The following KIF16B variants were observed in gnomAD, a reference collection of about 807,000 sequenced individuals.
KIF16B encodes the protein kinesin family member 16B.
Under a neutral mutation model 156.3 loss-of-function variants are expected in KIF16B, and 98 were observed. The observed-to-expected ratio is 0.63, with a 90% CI of 0.53 to 0.74. KIF16B has a LOEUF of 0.74. Among genes scored for constraint, KIF16B ranks in the 30% least tolerant of loss-of-function variants. The pLI is 0.00. For missense variants in KIF16B, 1,421 were observed against 1,606.5 expected (o/e 0.88, Z 1.97); for synonymous variants, 564 against 583.7 (o/e 0.97, Z 0.49).
intron 12 of KIF16B, 30 bp downstream of exon 12, chr20:16,494,261 T>C (rs1200078773): frequency 2.2e-6 from 3 of 1,381,606 alleles, no homozygotes; most frequent in Non-Finnish European, 2.0e-6. Flanking sequence ...TCCACCATAG[T>C]AAGACTAAAC....
chr20:16,477,974 G>A (rs2067866292), intron 12 of KIF16B, among the ~76,000 whole-genome samples: 1 of 152,116 alleles, frequency 6.6e-6, no homozygotes, highest in Non-Finnish European at 1.5e-5. Context: ...CCACGGCAAT[G>A]GAATACCCCG....
chr20:16,448,313 A>T (rs2066988792), intron 12 of KIF16B, among the ~76,000 whole-genome samples: 1 of 152,252 alleles, frequency 6.6e-6, no homozygotes, highest in Non-Finnish European at 1.5e-5. Flanking sequence ...TAAGATAAAA[A>T]ATGCAGATGC....
chr20:16,325,385 T>C (rs1478999899), intron 24 of KIF16B, among the ~76,000 whole-genome samples: 10 of 151,826 alleles, frequency 6.6e-5, no homozygotes, highest in Admixed American at 5.3e-4. Flanking sequence ...CGAGATATAA[T>C]TGTATGCCTA....
At chr20:16,480,395 T>C (rs933788531) in intron 12 of KIF16B, among the ~76,000 whole-genome samples, 5 of 152,118 alleles carry the variant, frequency 3.3e-5, no homozygotes, top group South Asian at 2.1e-4. Context: ...CCACTTGTGA[T>C]TGAAAAAACT....
Position 16,521,563 on chromosome 20 carries a change from C to T in KIF16B, c.231+4529G>A, listed in dbSNP as rs149564188. Among the ~76,000 whole-genome samples, 663 of 152,176 alleles carry T rather than the reference C, an allele frequency of 4.4e-3. 5 individuals are homozygous for T. Among genetic ancestry groups the T allele is most frequent in the African/African-American group, 0.015 (610 of 41,538 alleles). ...GTTTGATTGGTGTACCTCAAACTGACGGGGAGAATGGAACCAAGTTGGAAA... is the reference window on the plus strand; with the variant it reads ...GTTTGATTGGTGTACCTCAAACTGATGGGGAGAATGGAACCAAGTTGGAAA... On this transcript the variant is annotated intron_variant, in intron 3 of 25. Transcript: ENST00000354981.
intron 17 of KIF16B, 103 bp from the exon 18 acceptor site, chr20:16,381,850 T>C: frequency 2.1e-6 from 2 of 974,424 alleles, no homozygotes; most frequent in Non-Finnish European, 3.0e-6. Flanking sequence ...CATCAGTTTT[T>C]CAAGTATTAC....
chr20:16,433,443 C>T (rs1021525227), intron 12 of KIF16B, among the ~76,000 whole-genome samples: 3 of 152,002 alleles, frequency 2.0e-5, no homozygotes, highest in Non-Finnish European at 4.4e-5. Context: ...GTTTCGTTTA[C>T]TATTCTTTCT....
intron 22 of KIF16B, among the ~76,000 whole-genome samples, chr20:16,369,919 G>T (rs2064774888): frequency 6.6e-6 from 1 of 152,220 alleles, no homozygotes; most frequent in East Asian, 1.9e-4. Flanking sequence ...TCCAGGGAAA[G>T]ATCACATCAT....
At chr20:16,429,638 G>C (rs1280691146) in intron 13 of KIF16B, among the ~76,000 whole-genome samples, 1 of 152,060 alleles carries the variant, frequency 6.6e-6, no homozygotes, top group Admixed American at 6.6e-5. Flanking sequence ...CAGAATAGAG[G>C]GCAAATCAAT....
intron 12 of KIF16B, among the ~76,000 whole-genome samples, chr20:16,459,075 A>T (rs1335964959): frequency 6.6e-6 from 1 of 151,714 alleles, no homozygotes; most frequent in Non-Finnish European, 1.5e-5. Flanking sequence ...TTATGTTATA[A>T]TTTTTTTTAA....
At chr20:16,405,560 G>C (rs781554405) in intron 16 of KIF16B, among the ~76,000 whole-genome samples, 1 of 152,142 alleles carries the variant, frequency 6.6e-6, no homozygotes, top group Non-Finnish European at 1.5e-5. Context: ...ACAGAAATGA[G>C]AGTCTGGGTA....
intron 15 of KIF16B, among the ~76,000 whole-genome samples, chr20:16,410,083 ATATGTAGG>A (rs2065900796): frequency 7.8e-6 from 1 of 127,530 alleles, no homozygotes; most frequent in Non-Finnish European, 1.7e-5. Context: ...ACATATATAT[ATATGTAGG>A]TACATATATA....
At chr20:16,481,395 T>C (rs2067980865) in intron 12 of KIF16B, among the ~76,000 whole-genome samples, 1 of 152,128 alleles carries the variant, frequency 6.6e-6, no homozygotes, top group Admixed American at 6.5e-5. Flanking sequence ...CTCTCTATGT[T>C]GCCCAGGCTG....
intron 21 of KIF16B, among the ~76,000 whole-genome samples, chr20:16,370,948 T>C (rs927867763): frequency 1.6e-4 from 24 of 152,216 alleles, no homozygotes; most frequent in African/African-American, 5.8e-4. Context: ...TATAGACTTG[T>C]CACAAATATG....
chr20:16,299,917 GAATATCGCA>G (rs2063446937), intron 25 of KIF16B, among the ~76,000 whole-genome samples: 1 of 152,100 alleles, frequency 6.6e-6, no homozygotes, highest in Admixed American at 6.5e-5. Flanking sequence ...AGGTCACTTA[GAATATCGCA>G]AATAATACTA....
At chr20:16,440,719 T>G (rs144861654) in intron 12 of KIF16B, among the ~76,000 whole-genome samples, 3 of 152,258 alleles carry the variant, frequency 2.0e-5, no homozygotes, top group Non-Finnish European at 4.4e-5. Context: ...AGTCAGCCCC[T>G]AAACAGTAAA....
chr20:16,515,036 A>G (rs1185858902), intron 4 of KIF16B, among the ~76,000 whole-genome samples: 1 of 152,014 alleles, frequency 6.6e-6, no homozygotes, highest in East Asian at 1.9e-4. Flanking sequence ...GTTAACTTAC[A>G]TAGCTTATAA....
intron 1 of KIF16B, among the ~76,000 whole-genome samples, chr20:16,535,349 C>A (rs1018499335): frequency 6.6e-6 from 1 of 152,162 alleles, no homozygotes; most frequent in African/African-American, 2.4e-5. Context: ...ATTTATCCTG[C>A]AACTTTATTA....
At chr20:16,566,242 T>G (rs1568696848) in intron 1 of KIF16B, among the ~76,000 whole-genome samples, 2 of 152,222 alleles carry the variant, frequency 1.3e-5, no homozygotes, top group Non-Finnish European at 2.9e-5. Flanking sequence ...CATATTTCAG[T>G]TCTCTTTACT....
Sources: allele counts gnomAD v4.1 joint callset (sites outside exome capture counted in the v4.1 genomes callset), GRCh38; gene constraint gnomAD v4.1.1; transcripts MANE v1.5; gene names NCBI Gene and HGNC (gene_info 2026-07-23, HGNC 2026-07-21).